The following SCAMP1 variants were observed in gnomAD, a reference collection of about 807,000 sequenced individuals.
SCAMP1 encodes secretory carrier membrane protein 1.
Under a neutral mutation model 41.8 loss-of-function variants are expected in SCAMP1, and 15 were observed. That is an observed-to-expected ratio of 0.36 (90% CI 0.24 to 0.55). The LOEUF is 0.55. SCAMP1 is among the 20% of genes least tolerant of loss of function. The probability of loss-of-function intolerance (pLI) is 0.86; values close to 1 mark genes in which losing one functional copy is unlikely to be tolerated. For missense variants in SCAMP1, 341 were observed against 412.6 expected (o/e 0.83, Z 1.50); for synonymous variants, 135 against 136.8 (o/e 0.99, Z 0.09).
chr5:78,396,805 T>G (rs752200012), intron 2 of SCAMP1, among the ~76,000 whole-genome samples: 2 of 152,188 alleles, frequency 1.3e-5, no homozygotes, highest in African/African-American at 2.4e-5. Flanking sequence ...AATAATGAGA[T>G]AGTGATAAAC....
intron 6 of SCAMP1, among the ~76,000 whole-genome samples, chr5:78,438,893 T>A (rs943965028): frequency 6.6e-6 from 1 of 152,226 alleles, no homozygotes; most frequent in African/African-American, 2.4e-5. Context: ...TGAATCTGGG[T>A]GCTCCTGGAT....
At chr5:78,455,498 G>A (rs1179976152) in intron 7 of SCAMP1, among the ~76,000 whole-genome samples, 1 of 131,292 alleles carries the variant, frequency 7.6e-6, no homozygotes, top group East Asian at 3.7e-4. Flanking sequence ...GTGGTTTTGA[G>A]TGAGATTCTT....
chr5:78,384,180 C>G (rs55923599), intron 1 of SCAMP1, among the ~76,000 whole-genome samples: 1 of 65,266 alleles, frequency 1.5e-5, no homozygotes, highest in African/African-American at 4.4e-5. Context: ...AGTTTTTTTT[C>G]TTTTTTTTTT....
Position 78,476,496 on chromosome 5 carries a change from T to G in SCAMP1, c.*828T>G, listed in dbSNP as rs1754008597. Reference sequence around the variant, plus strand: ...GGTAATAATTCCTTTTTAAAAAAATTTCGGTAGTCATATAGTAACATTTTG... The same window carrying G: ...GGTAATAATTCCTTTTTAAAAAAATGTCGGTAGTCATATAGTAACATTTTG... On this transcript the variant is annotated 3_prime_UTR_variant, in exon 9 of 9. Coordinates refer to ENST00000621999, the MANE Select transcript of SCAMP1 (RefSeq NM_004866.6). 1 of 152,560 alleles carries G rather than the reference T, an allele frequency of 6.6e-6. No individual in the cohort carries two copies. 9.5% of individuals were successfully genotyped at this position (152,560 alleles called of 1,614,324 possible). A position where few individuals can be genotyped will look rare whatever the true frequency, so the allele number is the denominator to read the frequency against.
chr5:78,368,506 G>T (rs767422713), intron 1 of SCAMP1, among the ~76,000 whole-genome samples: 1 of 152,312 alleles, frequency 6.6e-6, no homozygotes, highest in East Asian at 1.9e-4. Context: ...TGAACCACCA[G>T]TGTGATATAG....
At chr5:78,429,352 T>G (rs7707088) in intron 6 of SCAMP1, among the ~76,000 whole-genome samples, 5,051 of 72,076 alleles carry the variant, frequency 0.07, 278 homozygotes, top group African/African-American at 0.25. Context: ...TTGGTTTTTT[T>G]TTTTTTTTTT....
chr5:78,370,822 A>G (rs1206067955), intron 1 of SCAMP1: 1 of 152,146 alleles, frequency 6.6e-6, no homozygotes, highest in Non-Finnish European at 1.5e-5. Flanking sequence ...AGATTTCTCT[A>G]CATCTTTGTT....
At chr5:78,397,772 T>A (rs929992286) in intron 2 of SCAMP1, among the ~76,000 whole-genome samples, 2 of 152,064 alleles carry the variant, frequency 1.3e-5, no homozygotes, top group African/African-American at 4.8e-5. Flanking sequence ...AATACACAAA[T>A]TGACCAGGAG....
intron 2 of SCAMP1, among the ~76,000 whole-genome samples, chr5:78,405,841 C>T (rs1045145983): frequency 6.6e-6 from 1 of 152,150 alleles, no homozygotes; most frequent in Non-Finnish European, 1.5e-5. Context: ...TTTCTTCTTT[C>T]CTATTACACA....
At chr5:78,391,262 G>A (rs375986760) in intron 2 of SCAMP1, among the ~76,000 whole-genome samples, 31,129 of 139,128 alleles carry the variant, frequency 0.22, 1,052 homozygotes, top group East Asian at 0.4. Flanking sequence ...CCCGGACGGG[G>A]CAGCTGGCCG....
intron 4 of SCAMP1, 26 bp from the exon 5 acceptor site, chr5:78,418,749 T>A (rs1285032542): frequency 7.2e-7 from 1 of 1,386,560 alleles, no homozygotes; most frequent in South Asian, 1.4e-5. Context: ...TAAATAACCT[T>A]TTCTTTTTCT....
intron 6 of SCAMP1, among the ~76,000 whole-genome samples, chr5:78,435,533 T>G (rs1458332160): frequency 6.6e-6 from 1 of 152,244 alleles, no homozygotes; most frequent in Non-Finnish European, 1.5e-5. Context: ...GCTTCATCCA[T>G]GTCCCCGCAA....
At chr5:78,413,097 C>A (rs988203586) in intron 2 of SCAMP1, among the ~76,000 whole-genome samples, 1 of 152,120 alleles carries the variant, frequency 6.6e-6, no homozygotes, top group Non-Finnish European at 1.5e-5. Context: ...AGTTTTAGAT[C>A]ATGAATTTAC....
At chr5:78,410,604 C>T (rs1243446279) in intron 2 of SCAMP1, among the ~76,000 whole-genome samples, 1 of 152,136 alleles carries the variant, frequency 6.6e-6, no homozygotes, top group Non-Finnish European at 1.5e-5. Flanking sequence ...CTGCAGTAAA[C>T]ATAGGTGTGC....
At position 78,431,065 on chromosome 5, in the gene SCAMP1, T is replaced by C. The variant is rs151036656; in HGVS notation, c.632+9105T>C. Reference sequence around the variant, plus strand: ...CCTCCCTTTTCTAACCATATACATATGTGAAGCAGATTTCTTCATTTTCAA... The same window carrying C: ...CCTCCCTTTTCTAACCATATACATACGTGAAGCAGATTTCTTCATTTTCAA... On this transcript the variant is annotated intron_variant, in intron 6 of 8. Coordinates refer to ENST00000621999, the MANE Select transcript of SCAMP1 (RefSeq NM_004866.6). Among the ~76,000 whole-genome samples the C allele has an allele frequency of 8.9e-3, 1,345 of 151,958 alleles. 14 individuals carry two copies. Among genetic ancestry groups the C allele is most frequent in the African/African-American group, 0.031 (1,268 of 41,386 alleles).
intron 7 of SCAMP1, among the ~76,000 whole-genome samples, chr5:78,454,763 A>T (rs1041428942): frequency 6.6e-6 from 1 of 152,230 alleles, no homozygotes; most frequent in Non-Finnish European, 1.5e-5. Context: ...GAATGGTACC[A>T]GTTCCTCCTT....
In SCAMP1 at chr5:78,453,712, G is replaced by A. The variant is rs912841423; in HGVS notation, c.734+3678G>A. ...ATGAACTTTAAAGTAGTTTTTTCCA[G>A]TTCTGTGAAGAAAGTCATTGGTAGC... On this transcript the variant is annotated intron_variant, in intron 7 of 8. Transcript: ENST00000621999. Among the ~76,000 whole-genome samples the A allele has an allele frequency of 5.3e-4, 80 of 152,224 alleles. 1 individual carries two copies. In the East Asian group the frequency reaches 0.01, roughly 19 times the overall value.
intron 1 of SCAMP1, among the ~76,000 whole-genome samples, chr5:78,379,770 A>T (rs1181277263): frequency 6.6e-6 from 1 of 152,206 alleles, no homozygotes. Flanking sequence ...GTAAAGTGAG[A>T]GTTGGACTCG....
intron 6 of SCAMP1, among the ~76,000 whole-genome samples, chr5:78,436,820 G>A (rs1752769144): frequency 6.6e-6 from 1 of 152,108 alleles, no homozygotes; most frequent in South Asian, 2.1e-4. Context: ...TGGGCAGTAT[G>A]GCCATTTTCA....
Sources: gnomAD v4.1 joint callset for allele counts (sites outside exome capture counted in the v4.1 genomes callset) on GRCh38, gnomAD v4.1.1 for gene constraint, MANE v1.5 for transcripts, NCBI Gene and HGNC (gene_info 2026-07-23, HGNC 2026-07-21) for gene names.